Variants in KCNIP4 observed in about 807,000 individuals in gnomAD.
KCNIP4 encodes potassium voltage-gated channel interacting protein 4.
Under a neutral mutation model 34.0 loss-of-function variants are expected in KCNIP4, and 12 were observed. The observed-to-expected ratio is 0.35, with a 90% confidence interval of 0.23 to 0.57. The LOEUF (loss-of-function observed/expected upper bound fraction) is 0.57. KCNIP4 is among the 20% of genes least tolerant of loss of function. The pLI, the probability that KCNIP4 is intolerant of heterozygous loss-of-function variation, is 0.83. For missense variants in KCNIP4, 238 were observed against 311.7 expected (o/e 0.76, Z 1.78); for synonymous variants, 124 against 102.2 (o/e 1.21, Z -1.29).
At chr4:21,363,980 G>T (rs190102223) in intron 1 of KCNIP4, among the ~76,000 whole-genome samples, 2 of 152,222 alleles carry the variant, frequency 1.3e-5, no homozygotes, top group South Asian at 4.1e-4. Flanking sequence ...GAGTGTTTGG[G>T]TTTTGGTGGC....
intron 1 of KCNIP4, among the ~76,000 whole-genome samples, chr4:21,324,958 G>T (rs2109309885): frequency 6.6e-6 from 1 of 151,796 alleles, no homozygotes; most frequent in African/African-American, 2.4e-5. Context: ...GGTTTTCATT[G>T]TAGAGATCTT....
chr4:21,233,080 A>G (rs1328926643), intron 1 of KCNIP4, among the ~76,000 whole-genome samples: 2 of 152,160 alleles, frequency 1.3e-5, no homozygotes, highest in African/African-American at 4.8e-5. Context: ...GAAGCAGGAA[A>G]ACGGGTCACT....
intron 4 of KCNIP4, among the ~76,000 whole-genome samples, chr4:20,753,783 G>A (rs1462929090): frequency 6.6e-6 from 1 of 152,174 alleles, no homozygotes; most frequent in Non-Finnish European, 1.5e-5. Context: ...CTCAGTGGGT[G>A]AAGTCTTTTT....
chr4:20,898,742 T>A (rs1726833285), intron 1 of KCNIP4, among the ~76,000 whole-genome samples: 1 of 152,236 alleles, frequency 6.6e-6, no homozygotes, highest in South Asian at 2.1e-4. Context: ...TGTTCACTGA[T>A]CTATCTATAT....
At chr4:21,156,849 T>C (rs1422322502) in intron 1 of KCNIP4, among the ~76,000 whole-genome samples, 8 of 152,138 alleles carry the variant, frequency 5.3e-5, no homozygotes, top group Non-Finnish European at 8.8e-5. Context: ...CAAAGCCCCA[T>C]AGCCAACTAA....
intron 2 of KCNIP4, among the ~76,000 whole-genome samples, chr4:20,870,819 A>T (rs1475543658): frequency 6.6e-6 from 1 of 152,098 alleles, no homozygotes; most frequent in African/African-American, 2.4e-5. Flanking sequence ...TGAATTGCCA[A>T]CTTCTGTGTT....
chr4:21,333,890 G>A (rs191385277), intron 1 of KCNIP4, among the ~76,000 whole-genome samples: 53 of 152,140 alleles, frequency 3.5e-4, no homozygotes, highest in Admixed American at 2.3e-3. Flanking sequence ...TTAATAACTC[G>A]GTGCAAAAAC....
At chr4:21,487,039 G>T (rs959986699) in intron 1 of KCNIP4, among the ~76,000 whole-genome samples, 1 of 152,002 alleles carries the variant, frequency 6.6e-6, no homozygotes, top group African/African-American at 2.4e-5. Context: ...GAGCTCAAGT[G>T]ATCCTCCCAC....
chr4:21,744,171 A>G (rs1040590059), intron 1 of KCNIP4, among the ~76,000 whole-genome samples: 4 of 152,160 alleles, frequency 2.6e-5, no homozygotes, highest in African/African-American at 4.8e-5. Flanking sequence ...CTCCTCATAA[A>G]TCTAACCATG....
Position 21,557,338 on chromosome 4 carries a change from G to T in KCNIP4, c.61+391233C>A, listed in dbSNP as rs376121662. Among the ~76,000 whole-genome samples, 255 of 152,144 alleles carry T rather than the reference G, an allele frequency of 1.7e-3. 11 individuals carry two copies. In the South Asian group the frequency reaches 0.046, roughly 28 times the overall value. ...ATTATTTCACAGTCATTATTAAAAT[G>T]GCCAGAAAGATTAGAAAAGTAAAAT... On this transcript the variant is annotated intron_variant, in intron 1 of 8. Coordinates refer to ENST00000382152, the MANE Select transcript of KCNIP4 (RefSeq NM_025221.6).
chr4:21,040,644 T>C (rs1741873011), intron 1 of KCNIP4, among the ~76,000 whole-genome samples: 1 of 152,170 alleles, frequency 6.6e-6, no homozygotes, highest in Non-Finnish European at 1.5e-5. Context: ...AATGCTACTT[T>C]AGGCAAAGTA....
Position 21,609,663 on chromosome 4 carries a change from G to A in KCNIP4, c.61+338908C>T, listed in dbSNP as rs1408942741. On this transcript the variant is annotated intron_variant, in intron 1 of 8. Coordinates refer to ENST00000382152, the MANE Select transcript of KCNIP4 (RefSeq NM_025221.6). ...ACAAGATATCCTCATGGAAAATAGA[G>A]AAAAGAGAAGAAGATTGCTTCCTTA... Among the ~76,000 whole-genome samples, 3 of 152,246 alleles carry A rather than the reference G, an allele frequency of 2.0e-5. No homozygotes were observed. The East Asian group carries it at 5.8e-4, about 29-fold the overall frequency.
intron 1 of KCNIP4, among the ~76,000 whole-genome samples, chr4:21,939,108 A>G (rs541347863): frequency 6.6e-6 from 1 of 152,290 alleles, no homozygotes; most frequent in African/African-American, 2.4e-5. Context: ...AAATAAAGCT[A>G]TGTCTTAAAT....
chr4:21,002,149 C>T (rs1480383689), intron 1 of KCNIP4, among the ~76,000 whole-genome samples: 2 of 152,236 alleles, frequency 1.3e-5, no homozygotes, highest in African/African-American at 4.8e-5. Flanking sequence ...TTCATCTTTC[C>T]AGATAGCATT....
At chr4:21,286,316 A>G (rs1313446248) in intron 1 of KCNIP4, among the ~76,000 whole-genome samples, 3 of 152,200 alleles carry the variant, frequency 2.0e-5, no homozygotes, top group African/African-American at 7.2e-5. Flanking sequence ...TTCCCTATTA[A>G]TATGAAGCAA....
chr4:21,072,251 T>A (rs1745019054), intron 1 of KCNIP4, among the ~76,000 whole-genome samples: 1 of 152,204 alleles, frequency 6.6e-6, no homozygotes, highest in Non-Finnish European at 1.5e-5. Context: ...TAGTTTACAG[T>A]CCCACCAACA....
intron 1 of KCNIP4, among the ~76,000 whole-genome samples, chr4:21,665,039 A>G (rs1748735378): frequency 6.6e-6 from 1 of 152,220 alleles, no homozygotes; most frequent in Non-Finnish European, 1.5e-5. Context: ...AATGGCTATC[A>G]TATAGTATTT....
intron 2 of KCNIP4, among the ~76,000 whole-genome samples, chr4:20,855,664 T>C (rs1721495814): frequency 1.4e-5 from 2 of 140,314 alleles, no homozygotes. Context: ...TCAAGGAGTT[T>C]ACAAAAAAAA....
Position 20,730,024 on chromosome 4 carries a change from T to G in KCNIP4, c.*58A>C, listed in dbSNP as rs1383112917. 6.4e-7 allele frequency: 1 copy of G among 1,554,958 alleles called. No homozygotes were observed. Among genetic ancestry groups the G allele is most frequent in the Middle Eastern group, 1.7e-4 (1 of 5,774 alleles). On this transcript the variant is annotated 3_prime_UTR_variant, in exon 9 of 9. Coordinates refer to ENST00000382152, the MANE Select transcript of KCNIP4 (RefSeq NM_025221.6). ...CTATGCTAAAAGTGGTAGCTCCAACTTTAAGGGTGGTAGAATAGTTCACAT... is the reference window on the plus strand; with the variant it reads ...CTATGCTAAAAGTGGTAGCTCCAACGTTAAGGGTGGTAGAATAGTTCACAT...
Sources: gnomAD v4.1 joint callset for allele counts (sites outside exome capture counted in the v4.1 genomes callset) on GRCh38, gnomAD v4.1.1 for gene constraint, MANE v1.5 for transcripts, NCBI Gene and HGNC (gene_info 2026-07-23, HGNC 2026-07-21) for gene names.